Variants in MIPOL1 observed in about 807,000 individuals in gnomAD.
The protein encoded by MIPOL1 is mirror-image polydactyly gene 1 protein.
In MIPOL1, 57 loss-of-function variants were observed where a neutral mutation model predicts 60.9. The observed-to-expected ratio is 0.94, with a 90% CI of 0.76 to 1.17. The LOEUF is 1.17. MIPOL1 is among the 50% of genes most tolerant of loss of function. MIPOL1 has a pLI of 0.00. For synonymous variants in MIPOL1, 179 were observed against 168.8 expected (o/e 1.06, Z -0.47); for missense variants, 551 against 511.6 (o/e 1.08, Z -0.74).
chr14:37,439,362 C>T (rs919735277), intron 11 of MIPOL1, among the ~76,000 whole-genome samples: 1 of 152,036 alleles, frequency 6.6e-6, no homozygotes, highest in African/African-American at 2.4e-5. Context: ...GTTTAATGAA[C>T]ATATTGTGTT....
At chr14:37,296,529 AAAGATC>A (rs1281718635) in intron 7 of MIPOL1, among the ~76,000 whole-genome samples, 1 of 152,234 alleles carries the variant, frequency 6.6e-6, no homozygotes, top group Non-Finnish European at 1.5e-5. Flanking sequence ...GGTTTTTTGA[AAAGATC>A]AACAAAATTG....
intron 11 of MIPOL1, among the ~76,000 whole-genome samples, chr14:37,477,015 C>T (rs538525686): frequency 6.6e-6 from 1 of 151,466 alleles, no homozygotes; most frequent in Non-Finnish European, 1.5e-5. Context: ...ATTCTCCTGC[C>T]TCAGCCTCCT....
intron 9 of MIPOL1, among the ~76,000 whole-genome samples, chr14:37,353,461 G>A (rs1225858387): frequency 6.6e-6 from 1 of 151,984 alleles, no homozygotes; most frequent in African/African-American, 2.4e-5. Flanking sequence ...CTATTGATTG[G>A]AATAGTTTCA....
intron 11 of MIPOL1, among the ~76,000 whole-genome samples, chr14:37,491,715 T>C (rs1322988447): frequency 6.6e-6 from 1 of 152,196 alleles, no homozygotes; most frequent in Admixed American, 6.5e-5. Flanking sequence ...AGTTTAAAAT[T>C]CTTGAAATTT....
intron 11 of MIPOL1, among the ~76,000 whole-genome samples, chr14:37,450,706 T>C (rs1018516104): frequency 6.6e-6 from 1 of 152,144 alleles, no homozygotes; most frequent in African/African-American, 2.4e-5. Context: ...CCCCTTGATG[T>C]CTCTCTTTCT....
At chr14:37,400,241 A>G (rs1043660331) in intron 10 of MIPOL1, 6 of 152,076 alleles carry the variant, frequency 3.9e-5, no homozygotes, top group African/African-American at 1.4e-4. Context: ...AGGAAGAGAT[A>G]GGAAAGAATG....
chr14:37,339,661 T>C (rs1320914399), intron 9 of MIPOL1, among the ~76,000 whole-genome samples: 4 of 152,230 alleles, frequency 2.6e-5, no homozygotes, highest in Non-Finnish European at 5.9e-5. Flanking sequence ...AAGCATGAAC[T>C]GCTCTCACAG....
At chr14:37,466,322 ATTCTGATTTGTTCTT>A (rs2153585498) in intron 11 of MIPOL1, among the ~76,000 whole-genome samples, 1 of 152,312 alleles carries the variant, frequency 6.6e-6, no homozygotes, top group South Asian at 2.1e-4. Flanking sequence ...TTTTATATTA[ATTCTGATTTGTTCTT>A]TTTCTGAGGA....
intron 11 of MIPOL1, among the ~76,000 whole-genome samples, chr14:37,431,254 A>G (rs577027361): frequency 1.3e-5 from 2 of 152,292 alleles, no homozygotes; most frequent in South Asian, 4.1e-4. Context: ...CCTCCTACAT[A>G]GGTAATCTTT....
At chr14:37,324,278 A>G (rs1220837512) in intron 9 of MIPOL1, among the ~76,000 whole-genome samples, 2 of 152,016 alleles carry the variant, frequency 1.3e-5, no homozygotes, top group African/African-American at 2.4e-5. Flanking sequence ...GTATTGGTAT[A>G]TCATTGTGAT....
At chr14:37,236,009 C>T (rs1971412305) in intron 1 of MIPOL1, among the ~76,000 whole-genome samples, 1 of 151,962 alleles carries the variant, frequency 6.6e-6, no homozygotes, top group Non-Finnish European at 1.5e-5. Flanking sequence ...TCACTGCAAC[C>T]TCCGCCTCCC....
At chr14:37,318,140 A>C (rs2088128775) in intron 9 of MIPOL1, among the ~76,000 whole-genome samples, 1 of 152,150 alleles carries the variant, frequency 6.6e-6, no homozygotes. Context: ...CCACTTGATG[A>C]GCATACCTAG....
At position 37,512,608 on chromosome 14, in the gene MIPOL1, A is replaced by AT. The variant is rs1054435786; in HGVS notation, c.1262+12479dup. On this transcript the variant is annotated intron_variant, in intron 12 of 12. Coordinates refer to ENST00000684589, the MANE Select transcript of MIPOL1 (RefSeq NM_001388067.1). ...GCTAAAAAATGAAAGGCCTCAGTGA[A>AT]TTTTTTTTTATAATTTCATTGTCTT... Among the ~76,000 whole-genome samples, 34 of 151,564 alleles carry AT rather than the reference A, an allele frequency of 2.2e-4. 1 individual carries two copies. The highest frequency in any genetic ancestry group is 6.0e-4 in the African/African-American group (25 of 41,378).
At chr14:37,438,780 C>T (rs757475604) in intron 11 of MIPOL1, among the ~76,000 whole-genome samples, 3 of 152,164 alleles carry the variant, frequency 2.0e-5, no homozygotes, top group South Asian at 2.1e-4. Context: ...TATAAATACA[C>T]GCCCTTTGAT....
Position 37,422,871 on chromosome 14 carries a change from T to C in MIPOL1, c.953T>C (p.Met318Thr), listed in dbSNP as rs1461909011. 3.2e-5 allele frequency: 52 copies of C among 1,606,122 alleles called. No homozygotes were observed. Among genetic ancestry groups the C allele is most frequent in the Non-Finnish European group, 4.2e-5 (49 of 1,175,298 alleles). Reference sequence around the variant, plus strand: ...TACTTTTAGGCAAAGTTGTTATCTATGCAACAAGCCAGAGAAACTGCAGTT... The same window carrying C: ...TACTTTTAGGCAAAGTTGTTATCTACGCAACAAGCCAGAGAAACTGCAGTT... ...ERALKAKLLS[M>T]QQARETAVQQ... Residue 318 changes from methionine (M) to threonine (T), a missense_variant, in exon 11 of 13, where the codon ATG (methionine) becomes ACG (threonine). Coordinates refer to ENST00000684589, the MANE Select transcript of MIPOL1 (RefSeq NM_001388067.1).
intron 7 of MIPOL1, among the ~76,000 whole-genome samples, chr14:37,286,223 A>G (rs2084553993): frequency 6.6e-6 from 1 of 152,150 alleles, no homozygotes; most frequent in South Asian, 2.1e-4. Flanking sequence ...GAGCCTAAGA[A>G]TCTACATTTT....
intron 11 of MIPOL1, among the ~76,000 whole-genome samples, chr14:37,492,878 C>T (rs2095065560): frequency 6.6e-6 from 1 of 152,118 alleles, no homozygotes; most frequent in Admixed American, 6.6e-5. Flanking sequence ...GCCACCCCCA[C>T]CAGTTGTGAC....
intron 11 of MIPOL1, among the ~76,000 whole-genome samples, chr14:37,461,935 A>G (rs531133462): frequency 1.3e-5 from 2 of 152,236 alleles, no homozygotes; most frequent in South Asian, 4.1e-4. Context: ...ACACAGTGCA[A>G]GCTGTCAGTA....
intron 7 of MIPOL1, among the ~76,000 whole-genome samples, chr14:37,304,162 TA>T (rs1171844705): frequency 6.6e-6 from 1 of 151,728 alleles, no homozygotes; most frequent in African/African-American, 2.4e-5. Context: ...TCACATCTTT[TA>T]AAAAAATTCC....
Sources: allele counts gnomAD v4.1 joint callset (sites outside exome capture counted in the v4.1 genomes callset), GRCh38; gene constraint gnomAD v4.1.1; transcripts MANE v1.5; gene names NCBI Gene and HGNC (gene_info 2026-07-23, HGNC 2026-07-21).